MYRIP: variants seen among roughly 807,000 people sequenced by gnomAD.
The protein encoded by MYRIP is rab effector MyRIP.
MYRIP carries 49 observed loss-of-function variants against 98.0 expected under a neutral mutation model. That is an observed-to-expected ratio of 0.50 (90% CI 0.40 to 0.63). The LOEUF is 0.63. MYRIP is among the 30% of genes least tolerant of loss of function. The pLI is 0.00. For missense variants in MYRIP, 1,004 were observed against 1,058.2 expected (o/e 0.95, Z 0.71); for synonymous variants, 404 against 409.5 (o/e 0.99, Z 0.16).
intron 2 of MYRIP, among the ~76,000 whole-genome samples, chr3:40,024,274 T>G (rs576396870): frequency 6.6e-6 from 1 of 152,222 alleles, no homozygotes; most frequent in South Asian, 2.1e-4. Context: ...TTTGAGAAGG[T>G]GGGAAATAAG....
intron 10 of MYRIP, among the ~76,000 whole-genome samples, chr3:40,192,882 C>T (rs1187600146): frequency 6.6e-6 from 1 of 152,060 alleles, no homozygotes. Flanking sequence ...GTGCAGTTGC[C>T]CATCATGCTT....
intron 2 of MYRIP, among the ~76,000 whole-genome samples, chr3:39,946,004 A>G (rs1944891951): frequency 9.0e-6 from 1 of 111,110 alleles, no homozygotes; most frequent in Non-Finnish European, 1.8e-5. Context: ...TATGCAGGTA[A>G]TGGCCAAAAA....
chr3:40,240,341 T>A (rs1296921436), intron 12 of MYRIP, among the ~76,000 whole-genome samples: 1 of 152,220 alleles, frequency 6.6e-6, no homozygotes, highest in Non-Finnish European at 1.5e-5. Flanking sequence ...GCGTGAGCGA[T>A]GCAGAAGACG....
At chr3:40,159,046 G>A (rs1051306929) in intron 4 of MYRIP, among the ~76,000 whole-genome samples, 1 of 151,610 alleles carries the variant, frequency 6.6e-6, no homozygotes, top group Non-Finnish European at 1.5e-5. Flanking sequence ...TATGATGTTA[G>A]CTGGTTATTT....
chr3:39,950,002 T>C (rs1393763644), intron 2 of MYRIP, among the ~76,000 whole-genome samples: 1 of 152,202 alleles, frequency 6.6e-6, no homozygotes, highest in Non-Finnish European at 1.5e-5. Flanking sequence ...TTGTTCCTTA[T>C]TTATATTACC....
chr3:40,099,845 A>T (rs1385401538), intron 3 of MYRIP, among the ~76,000 whole-genome samples: 2 of 152,220 alleles, frequency 1.3e-5, no homozygotes, highest in Non-Finnish European at 2.9e-5. Flanking sequence ...AAAAAAAAGT[A>T]AAAATTCATG....
intron 1 of MYRIP, among the ~76,000 whole-genome samples, chr3:39,851,981 T>G (rs577475013): frequency 6.6e-6 from 1 of 152,248 alleles, no homozygotes; most frequent in South Asian, 2.1e-4. Flanking sequence ...GGAGAGCCAT[T>G]TGTGGGCTAG....
intron 8 of MYRIP, among the ~76,000 whole-genome samples, chr3:40,177,017 G>A (rs1284880957): frequency 6.6e-6 from 1 of 151,526 alleles, no homozygotes; most frequent in Non-Finnish European, 1.5e-5. Context: ...CAAGGCTGCA[G>A]TGAGCTATGA....
At chr3:40,195,572 A>C (rs1339206035) in intron 10 of MYRIP, among the ~76,000 whole-genome samples, 1 of 152,248 alleles carries the variant, frequency 6.6e-6, no homozygotes, top group African/African-American at 2.4e-5. Context: ...CTGGGATTAC[A>C]GGCATGAGCC....
chr3:40,069,785 A>G (rs1169649760), intron 3 of MYRIP, among the ~76,000 whole-genome samples: 1 of 152,152 alleles, frequency 6.6e-6, no homozygotes, highest in Non-Finnish European at 1.5e-5. Context: ...GCGGAGAGGG[A>G]TGGTTTCAGA....
chr3:40,209,991 A>T lies in MYRIP; in HGVS notation c.1803A>T (p.Ser601=). ...AAATGAGTGAAAAGGAGACTTCTTC[A>T]GGGGAGGATCAGGAGTCTGAGCCCA... is the stretch of plus-strand genomic sequence containing the variant. ...AMKMSEKETS[S]GEDQESEPKT... The change falls in exon 11 of 17, where the codon TCA becomes TCT. Residue 601 remains serine, a synonymous_variant. Coordinates refer to ENST00000302541, the MANE Select transcript of MYRIP (RefSeq NM_015460.4). The T allele has an allele frequency of 2.5e-6, 4 of 1,614,132 alleles. No individual in the cohort carries two copies. The highest frequency in any genetic ancestry group is 3.4e-6 in the Non-Finnish European group (4 of 1,179,984).
intron 11 of MYRIP, among the ~76,000 whole-genome samples, chr3:40,210,563 T>C (rs1275111409): frequency 1.3e-5 from 2 of 152,182 alleles, no homozygotes; most frequent in African/African-American, 4.8e-5. Context: ...TTCTGGATTG[T>C]TTCTCTCTGC....
At chr3:39,874,835 T>A (rs961622341) in intron 1 of MYRIP, among the ~76,000 whole-genome samples, 7 of 152,192 alleles carry the variant, frequency 4.6e-5, no homozygotes, top group Non-Finnish European at 1.0e-4. Context: ...GGCTTTGGTA[T>A]CAGGATGATG....
intron 2 of MYRIP, among the ~76,000 whole-genome samples, chr3:40,033,426 A>G (rs1218711705): frequency 6.6e-6 from 1 of 152,134 alleles, no homozygotes; most frequent in East Asian, 1.9e-4. Flanking sequence ...TACACCAATA[A>G]CAGACAAACA....
At chr3:40,148,382 T>G (rs4359755) in intron 3 of MYRIP, among the ~76,000 whole-genome samples, 14,005 of 152,198 alleles carry the variant, frequency 0.092, 1,370 homozygotes, top group African/African-American at 0.24. Context: ...TTTTTTCCCC[T>G]CTTTCATTTT....
At chr3:39,911,892 G>A (rs1197097129) in intron 2 of MYRIP, among the ~76,000 whole-genome samples, 1 of 152,156 alleles carries the variant, frequency 6.6e-6, no homozygotes, top group Non-Finnish European at 1.5e-5. Context: ...GAAGCCAACA[G>A]ATCCACCTCC....
rs148724810 is a variant in MYRIP at position 39,866,547 on chromosome 3, C to T, written c.-30-34240C>T. On this transcript the variant is annotated intron_variant, in intron 1 of 16. Transcript: ENST00000302541. ...GTGTAATGGTGTGATCTCAGCTCACCGCAACCTCCACCTCCCGGGTTCAAG... is the reference window on the plus strand; with the variant it reads ...GTGTAATGGTGTGATCTCAGCTCACTGCAACCTCCACCTCCCGGGTTCAAG... 7.1e-4 allele frequency among the ~76,000 whole-genome samples: 108 copies of T among 151,966 alleles called. No individual in the cohort carries two copies. In the East Asian group the frequency reaches 0.011, roughly 16 times the overall value.
intron 8 of MYRIP, among the ~76,000 whole-genome samples, chr3:40,181,183 G>A (rs1950875334): frequency 6.6e-6 from 1 of 151,952 alleles, no homozygotes; most frequent in Non-Finnish European, 1.5e-5. Flanking sequence ...GACTCTCAAG[G>A]AATTAAGTCA....
At chr3:40,123,557 T>C (rs939075) in intron 3 of MYRIP, among the ~76,000 whole-genome samples, 114,424 of 152,152 alleles carry the variant, frequency 0.75, 44,122 homozygotes, top group Non-Finnish European at 0.83. Flanking sequence ...AGGTTCACTG[T>C]GCATGGTTAC....
Sources: allele counts gnomAD v4.1 joint callset (sites outside exome capture counted in the v4.1 genomes callset), GRCh38; gene constraint gnomAD v4.1.1; transcripts MANE v1.5; gene names NCBI Gene and HGNC (gene_info 2026-07-23, HGNC 2026-07-21).